Variants in PLEKHA6 observed in about 807,000 individuals in gnomAD.
The protein encoded by PLEKHA6 is pleckstrin homology domain-containing family A member 6.
In PLEKHA6, 60 loss-of-function variants were observed where a neutral mutation model predicts 116.7. The ratio of observed to expected loss-of-function variants is 0.51; its 90% CI spans 0.42 to 0.64. The LOEUF is 0.64. PLEKHA6 is among the 30% of genes least tolerant of loss of function. The probability of loss-of-function intolerance (pLI) is 0.00; values close to 1 mark genes in which losing one functional copy is unlikely to be tolerated. For synonymous variants in PLEKHA6, 489 were observed against 556.1 expected (o/e 0.88, Z 1.70); for missense variants, 1,338 against 1,422.7 (o/e 0.94, Z 0.96).
chr1:204,348,728 A>G (rs1466544775), intron 1 of PLEKHA6, among the ~76,000 whole-genome samples: 1 of 53,730 alleles, frequency 1.9e-5, no homozygotes, highest in South Asian at 6.6e-4. Context: ...CCCCCCCGCC[A>G]TCTCCCCCAC....
intron 17 of PLEKHA6, among the ~76,000 whole-genome samples, chr1:204,239,049 C>G (rs1054703127): frequency 2.0e-5 from 3 of 152,200 alleles, no homozygotes; most frequent in Admixed American, 6.5e-5. Context: ...GTGGATGGAA[C>G]TCTGTGAGTG....
rs141995914 is a variant in PLEKHA6 at position 204,237,969 on chromosome 1, T to C, written c.2409+3406A>G. 9.2e-3 allele frequency among the ~76,000 whole-genome samples: 1,404 copies of C among 152,306 alleles called. 9 individuals are homozygous for C. The highest frequency in any genetic ancestry group is 0.02 in the Middle Eastern group (6 of 294). On this transcript the variant is annotated intron_variant, in intron 17 of 22. Coordinates refer to ENST00000272203, the MANE Select transcript of PLEKHA6 (RefSeq NM_014935.5). ...TCAGGGAACTTCTACCTCAGTAAAA[T>C]TTCCAGGGGTACAGTGGTATGGGGC...
chr1:204,374,465 T>C (rs1230363717), intron 1 of PLEKHA6, among the ~76,000 whole-genome samples: 1 of 152,180 alleles, frequency 6.6e-6, no homozygotes, highest in African/African-American at 2.4e-5. Context: ...GTGGGAGCTT[T>C]CCCAGTATGC....
rs1572157919 is a variant in PLEKHA6, at chr1:204,308,708, T to TTTTTTTC, written c.-94-33900_-94-33899insGAAAAAA. Reference sequence around the variant, plus strand: ...TTTTCTTTTTTTTTTTTTTTTTTTTTGAGACAGAGTCTGGCTGTCGCCCAG... The same window carrying TTTTTTTC: ...TTTTCTTTTTTTTTTTTTTTTTTTTTTTTTTTCGAGACAGAGTCTGGCTGTCGCCCAG... On this transcript the variant is annotated intron_variant, in intron 1 of 22. Coordinates refer to ENST00000272203, the MANE Select transcript of PLEKHA6 (RefSeq NM_014935.5). Among the ~76,000 whole-genome samples, 3 of 146,474 alleles carry TTTTTTTC rather than the reference T, an allele frequency of 2.0e-5. No individual in the cohort carries two copies. In the East Asian group the frequency reaches 5.9e-4, roughly 29 times the overall value.
In PLEKHA6 at chr1:204,223,486, T is replaced by C. The variant is rs900993048; in HGVS notation, c.3131A>G (p.Tyr1044Cys). The C allele has an allele frequency of 1.1e-5, 17 of 1,545,270 alleles. No homozygotes were observed. The highest frequency in any genetic ancestry group is 4.1e-5 in the African/African-American group (3 of 72,850). Residue 1044 changes from tyrosine to cysteine, a missense_variant, in exon 22 of 23, where the codon TAT (tyrosine) becomes TGT (cysteine). Physicochemically the swap from Tyr to Cys is radical, Grantham distance 194. Coordinates refer to ENST00000272203, the MANE Select transcript of PLEKHA6 (RefSeq NM_014935.5). The surrounding 1 kb of genome is among the most constrained non-coding windows in gnomAD (Gnocchi z 4.8). ...SESPRGADSS[Y>C]TMRV Reference sequence around the variant, plus strand: ...CGTCAGAGCTCAGACCCGCATGGTATAGCTGCTGTCGGCGCCCCGTGGGGA... The same window carrying C: ...CGTCAGAGCTCAGACCCGCATGGTACAGCTGCTGTCGGCGCCCCGTGGGGA...
At chr1:204,253,662 CA>C (rs947535394) in intron 9 of PLEKHA6, among the ~76,000 whole-genome samples, 24 of 151,458 alleles carry the variant, frequency 1.6e-4, no homozygotes, top group Admixed American at 7.9e-4. Flanking sequence ...CCCATCTCTA[CA>C]AAAAAAAATT....
intron 21 of PLEKHA6, among the ~76,000 whole-genome samples, chr1:204,227,331 T>G (rs1660501753): frequency 1.3e-5 from 2 of 152,296 alleles, no homozygotes; most frequent in Non-Finnish European, 2.9e-5. Context: ...AAGGGAACAG[T>G]CTCCCAGGCT....
chr1:204,235,435 G>C (rs1471235150), intron 17 of PLEKHA6, among the ~76,000 whole-genome samples: 1 of 152,156 alleles, frequency 6.6e-6, no homozygotes, highest in African/African-American at 2.4e-5. Context: ...TGAACTCAGG[G>C]ATTCTATCTC....
At position 204,227,954 on chromosome 1, in the gene PLEKHA6, C is replaced by G. The variant is rs550477725; in HGVS notation, c.3031+129G>C. On this transcript the variant is annotated intron_variant, in intron 21 of 22. Transcript: ENST00000272203. ...GTGCTCAACAGATGCTCGTCTCAAC[C>G]TCGAGGAGCATCTCCTCAGCCTTGT... is the stretch of plus-strand genomic sequence containing the variant. 6 of 971,636 alleles carry G rather than the reference C, an allele frequency of 6.2e-6. No homozygotes were observed. The South Asian group carries it at 1.0e-4, about 16-fold the overall frequency. The allele number at this position is 971,636 out of a possible 1,614,324, so 60.2% of individuals were successfully genotyped here. A position where few individuals can be genotyped will look rare whatever the true frequency, so the allele number is the denominator to read the frequency against.
intron 1 of PLEKHA6, among the ~76,000 whole-genome samples, chr1:204,308,156 T>G (rs1302551561): frequency 1.3e-5 from 2 of 152,218 alleles, no homozygotes; most frequent in African/African-American, 4.8e-5. Context: ...AATGCCTCAT[T>G]TTGCAGATAA....
chr1:204,285,232 C>T (rs2102991022), intron 1 of PLEKHA6, among the ~76,000 whole-genome samples: 1 of 152,254 alleles, frequency 6.6e-6, no homozygotes, highest in South Asian at 2.1e-4. Context: ...CTATGAAATG[C>T]AATTCTAAGC....
At chr1:204,335,728 C>A (rs749904854) in intron 1 of PLEKHA6, among the ~76,000 whole-genome samples, 3 of 151,966 alleles carry the variant, frequency 2.0e-5, no homozygotes, top group Non-Finnish European at 2.9e-5. Flanking sequence ...TCTGTCTGGG[C>A]AGTAAATGCT....
At chr1:204,271,706 A>C (rs887918055) in intron 3 of PLEKHA6, among the ~76,000 whole-genome samples, 2 of 152,176 alleles carry the variant, frequency 1.3e-5, no homozygotes, top group African/African-American at 4.8e-5. Context: ...ACTGAGGCTA[A>C]TCCAGCTACC....
intron 13 of PLEKHA6, 125 bp downstream of exon 13, chr1:204,247,240 C>A: frequency 1.6e-6 from 1 of 613,000 alleles, no homozygotes. Flanking sequence ...CTAAAGCGTC[C>A]CATTATCTTC....
rs576420658 is a variant in PLEKHA6, at chr1:204,372,407, G to A, written c.84-801C>T. Among the ~76,000 whole-genome samples, 4 of 152,260 alleles carry A rather than the reference G, an allele frequency of 2.6e-5. No homozygotes were observed. The East Asian group carries it at 7.7e-4, about 29-fold the overall frequency. On this transcript the variant is annotated intron_variant, in intron 1 of 4. Coordinates refer to the PLEKHA6 transcript ENST00000564627. ...ACCGACCAAGTGACACAGACTTCCAGAGCCAGATGTGATCCAGCAAGAAGC... is the reference window on the plus strand; with the variant it reads ...ACCGACCAAGTGACACAGACTTCCAAAGCCAGATGTGATCCAGCAAGAAGC...
intron 1 of PLEKHA6, among the ~76,000 whole-genome samples, chr1:204,327,834 C>G (rs1672295478): frequency 6.6e-6 from 1 of 152,212 alleles, no homozygotes; most frequent in African/African-American, 2.4e-5. Context: ...TGCTCCCATT[C>G]CTAAGGAAAG....
At chr1:204,271,646 G>A (rs9919309) in intron 3 of PLEKHA6, among the ~76,000 whole-genome samples, 99,525 of 151,870 alleles carry the variant, frequency 0.66, 33,032 homozygotes, top group East Asian at 0.82. Context: ...ACCTCCCACT[G>A]ACTCCTGAAT....
intron 3 of PLEKHA6, among the ~76,000 whole-genome samples, chr1:204,365,919 C>T (rs1052595451): frequency 6.6e-6 from 1 of 152,210 alleles, no homozygotes; most frequent in Non-Finnish European, 1.5e-5. Context: ...GGCATGGCCT[C>T]TCTGAGGAGG....
At chr1:204,320,817 G>A (rs1428931804) in intron 1 of PLEKHA6, among the ~76,000 whole-genome samples, 1 of 152,140 alleles carries the variant, frequency 6.6e-6, no homozygotes. Context: ...GTGGGAGAGA[G>A]GGGTTCTTAG....
Sources: allele counts gnomAD v4.1 joint callset (sites outside exome capture counted in the v4.1 genomes callset), GRCh38; gene constraint gnomAD v4.1.1; non-coding constraint Gnocchi (gnomAD v3.1); transcripts MANE v1.5; gene names NCBI Gene and HGNC (gene_info 2026-07-23, HGNC 2026-07-21).